SHANK2: variants seen among roughly 807,000 people sequenced by gnomAD.
SHANK2 encodes the protein SH3 and multiple ankyrin repeat domains protein 2.
Under a neutral mutation model 133.7 loss-of-function variants are expected in SHANK2, and 43 were observed. The ratio of observed to expected loss-of-function variants is 0.32; its 90% CI spans 0.25 to 0.41. SHANK2 has a LOEUF of 0.41. Ranked by LOEUF, SHANK2 falls within the 10% of genes least tolerant of loss-of-function variation. SHANK2 has a pLI of 1.00. For synonymous variants in SHANK2, 1,017 were observed against 952.8 expected, an observed-to-expected ratio of 1.07 and a Z score of -1.24; for missense variants, 1,994 against 2,235.8, an observed-to-expected ratio of 0.89 and a Z score of 2.18.
At chr11:70,887,761 C>T (rs185586786) in intron 11 of SHANK2, among the ~76,000 whole-genome samples, 88 of 152,180 alleles carry the variant, frequency 5.8e-4, no homozygotes, top group African/African-American at 2.0e-3. Flanking sequence ...TTTAATTTAC[C>T]CACTTTGAAG....
intron 1 of SHANK2, among the ~76,000 whole-genome samples, chr11:71,248,321 G>A (rs78229527): frequency 1.5e-3 from 234 of 152,364 alleles, no homozygotes; most frequent in African/African-American, 5.5e-3. Flanking sequence ...ATGAGAAACT[G>A]GTTTTCACCT....
chr11:70,942,118 C>T (rs112167427), intron 10 of SHANK2, among the ~76,000 whole-genome samples: 11,660 of 151,828 alleles, frequency 0.077, 997 homozygotes, highest in African/African-American at 0.21. Context: ...ACCCAGGAGG[C>T]GGAGGTTGCG....
At chr11:71,102,456 G>A (rs192001698) in intron 6 of SHANK2, among the ~76,000 whole-genome samples, 21 of 152,194 alleles carry the variant, frequency 1.4e-4, no homozygotes, top group East Asian at 3.9e-4. Flanking sequence ...ACAGGGACGC[G>A]GGGCCCAGGT....
chr11:70,798,340 C>T (rs1407282531), intron 14 of SHANK2, 103 bp downstream of exon 14: 1 of 688,352 alleles, frequency 1.5e-6, no homozygotes, highest in Non-Finnish European at 2.7e-6. Context: ...ACTCAGCCTC[C>T]CTCTACGACG....
At chr11:70,931,075 G>T (rs960650052) in intron 10 of SHANK2, among the ~76,000 whole-genome samples, 1 of 152,174 alleles carries the variant, frequency 6.6e-6, no homozygotes, top group East Asian at 1.9e-4. Context: ...ACACATGGAT[G>T]AGACTTGACC....
At chr11:71,131,586 G>A (rs1225181062) in intron 3 of SHANK2, among the ~76,000 whole-genome samples, 1 of 152,170 alleles carries the variant, frequency 6.6e-6, no homozygotes, top group Non-Finnish European at 1.5e-5. Flanking sequence ...TGCTAAACTG[G>A]GAGACACTGC....
chr11:70,529,470 G>A (rs1240775842), intron 17 of SHANK2, among the ~76,000 whole-genome samples: 3 of 152,228 alleles, frequency 2.0e-5, no homozygotes, highest in South Asian at 2.1e-4. Context: ...GCTGCAGTGC[G>A]GCGGATGCAG....
chr11:71,117,666 G>T (rs1952004353), intron 4 of SHANK2, among the ~76,000 whole-genome samples: 1 of 152,194 alleles, frequency 6.6e-6, no homozygotes, highest in Admixed American at 6.5e-5. Context: ...GGGGCCTGGG[G>T]GCTTCTGAGC....
chr11:71,167,162 A>C (rs1555111049), intron 2 of SHANK2, among the ~76,000 whole-genome samples: 1 of 152,076 alleles, frequency 6.6e-6, no homozygotes, highest in East Asian at 1.9e-4. Context: ...GTACAGAACA[A>C]AATGAAAAGT....
At chr11:71,155,099 A>C (rs1400071925) in intron 2 of SHANK2, among the ~76,000 whole-genome samples, 11 of 64,060 alleles carry the variant, frequency 1.7e-4, no homozygotes, top group East Asian at 5.1e-4. Flanking sequence ...GACCTACCCC[A>C]GCCCACGCTC....
chr11:71,136,867 T>A (rs1466067790), intron 3 of SHANK2, among the ~76,000 whole-genome samples: 1 of 152,216 alleles, frequency 6.6e-6, no homozygotes, highest in Non-Finnish European at 1.5e-5. Flanking sequence ...AATGGTATTC[T>A]TTTTTATTTT....
chr11:71,072,961 T>C (rs1338550966), intron 9 of SHANK2, among the ~76,000 whole-genome samples: 2 of 151,920 alleles, frequency 1.3e-5, no homozygotes, highest in African/African-American at 2.4e-5. Flanking sequence ...GTTCTGGAGA[T>C]GAATGGCAGG....
chr11:70,473,246 G>A lies in SHANK2; in HGVS notation c.5173C>T (p.Pro1725Ser), dbSNP rs782503025. 1 of 1,610,448 alleles carries A rather than the reference G, an allele frequency of 6.2e-7. No homozygotes were observed. The highest frequency in any genetic ancestry group is 8.5e-7 in the Non-Finnish European group (1 of 1,176,924). ...GGAGAGGCGGTGGCAGCAGACAGGG[G>A]GGCGGGCAGGGTCTCTTTGTTCATC... ...TEMNKETLPA[P>S]LSAATASPSP... is the part of the protein sequence containing the mutation. Residue 1725 changes from proline (P) to serine (S), a missense_variant, in exon 26 of 26, where the codon CCC becomes TCC. Pro to Ser is a moderately conservative substitution (Grantham distance 74). Around this residue, in one of 5 missense-constraint regions of SHANK2, gnomAD observed 797 missense variants for 907.4 expected, o/e 0.88. Transcript: ENST00000601538. This position sits in a 1 kb window ranked among gnomAD's most constrained non-coding sequence, Gnocchi z 5.9.
At chr11:70,844,331 C>T (rs955486130) in intron 11 of SHANK2, among the ~76,000 whole-genome samples, 7 of 152,000 alleles carry the variant, frequency 4.6e-5, no homozygotes, top group African/African-American at 1.7e-4. Flanking sequence ...AATTGCCATG[C>T]GTTTTTCCAT....
Position 70,479,134 on chromosome 11 carries a change from A to G in SHANK2, c.4980-5695T>C, listed in dbSNP as rs1428350466. Among the ~76,000 whole-genome samples, 6 of 152,176 alleles carry G rather than the reference A, an allele frequency of 3.9e-5. No individual in the cohort carries two copies. Among genetic ancestry groups the G allele is most frequent in the African/African-American group, 1.4e-4 (6 of 41,434 alleles). ...GCCCCGATGGACGCACATCCTGACT[A>G]GTGCTCCCAGCCACCCACAGTCGCA... On this transcript the variant is annotated intron_variant, in intron 25 of 25. Coordinates refer to ENST00000601538, the MANE Select transcript of SHANK2 (RefSeq NM_012309.5). The surrounding 1 kb of genome is among the most constrained non-coding windows in gnomAD (Gnocchi z 4.4).
chr11:70,743,100 T>TGCTGAGC (rs1946564244), intron 14 of SHANK2, among the ~76,000 whole-genome samples: 1 of 151,404 alleles, frequency 6.6e-6, no homozygotes, highest in Non-Finnish European at 1.5e-5. Flanking sequence ...CATCTGCCGG[T>TGCTGAGC]GCTGAGCGGT....
intron 14 of SHANK2, among the ~76,000 whole-genome samples, chr11:70,744,591 T>C (rs563105): frequency 0.59 from 90,440 of 152,156 alleles, 28,159 homozygotes; most frequent in African/African-American, 0.8. Flanking sequence ...GCAGCTCCAG[T>C]GGTCCTGGCA....
intron 2 of SHANK2, among the ~76,000 whole-genome samples, chr11:71,154,375 G>A (rs1952858636): frequency 1.3e-5 from 2 of 152,230 alleles, no homozygotes; most frequent in African/African-American, 2.4e-5. Context: ...CAAGTGCGAG[G>A]GTGTGGGCTT....
intron 11 of SHANK2, among the ~76,000 whole-genome samples, chr11:70,858,900 C>T (rs1555067286): frequency 1.3e-5 from 2 of 152,254 alleles, no homozygotes; most frequent in East Asian, 1.9e-4. Context: ...TGTCCACACA[C>T]CTGTACATGC....
Sources: gnomAD v4.1 joint callset for allele counts (sites outside exome capture counted in the v4.1 genomes callset) on GRCh38, gnomAD v4.1.1 for gene constraint, gnomAD v4.1.1 regional missense constraint, Gnocchi (gnomAD v3.1) non-coding constraint, MANE v1.5 for transcripts, NCBI Gene and HGNC (gene_info 2026-07-23, HGNC 2026-07-21) for gene names.